Variants in ME1 observed in about 807,000 individuals in gnomAD.
ME1 encodes the protein malic enzyme 1.
ME1 carries 74 observed loss-of-function variants against 66.4 expected under a neutral mutation model. That is an observed-to-expected ratio of 1.11 (90% CI 0.92 to 1.35). ME1 has a LOEUF of 1.35. Ranked by LOEUF, ME1 falls within the 40% of genes most tolerant of loss-of-function variation. The pLI, the probability that ME1 is intolerant of heterozygous loss-of-function variation, is 0.00. For missense variants in ME1, 750 were observed against 694.1 expected (o/e 1.08, Z -0.90); for synonymous variants, 251 against 235.6 (o/e 1.07, Z -0.60).
chr6:83,302,846 G>C (rs10943929), intron 6 of ME1, among the ~76,000 whole-genome samples: 10,805 of 152,240 alleles, frequency 0.071, 472 homozygotes, highest in Admixed American at 0.098. Context: ...GGAAGGTGAA[G>C]TGCATGGGCC....
At chr6:83,247,448 A>G (rs975054641) in intron 7 of ME1, among the ~76,000 whole-genome samples, 4 of 152,126 alleles carry the variant, frequency 2.6e-5, no homozygotes, top group African/African-American at 9.6e-5. Flanking sequence ...GTTATTTTAG[A>G]TAACTAACAG....
intron 3 of ME1, among the ~76,000 whole-genome samples, chr6:83,366,777 C>T (rs1769108520): frequency 6.6e-6 from 1 of 152,178 alleles, no homozygotes; most frequent in Admixed American, 6.5e-5. Flanking sequence ...AAGACTTCCA[C>T]CGAAGTCTTG....
chr6:83,389,737 T>C (rs916157698), intron 3 of ME1, among the ~76,000 whole-genome samples: 7 of 151,802 alleles, frequency 4.6e-5, no homozygotes, highest in Non-Finnish European at 8.8e-5. Context: ...TTTCACAAAA[T>C]ACAGGTAACT....
At chr6:83,300,261 A>T (rs563318426) in intron 6 of ME1, among the ~76,000 whole-genome samples, 7 of 152,300 alleles carry the variant, frequency 4.6e-5, no homozygotes, top group African/African-American at 1.4e-4. Flanking sequence ...ACTTAAATAT[A>T]AAACCCAAAA....
chr6:83,260,733 A>T (rs1354361415), intron 6 of ME1, among the ~76,000 whole-genome samples: 1 of 152,188 alleles, frequency 6.6e-6, no homozygotes, highest in Admixed American at 6.5e-5. Flanking sequence ...TTTGCTAGGG[A>T]TAATGGCCTC....
chr6:83,309,247 GA>G (rs1273901506), intron 6 of ME1, among the ~76,000 whole-genome samples: 13 of 151,412 alleles, frequency 8.6e-5, no homozygotes, highest in African/African-American at 3.1e-4. Flanking sequence ...AGGAAGCAGT[GA>G]AACAGAATTT....
chr6:83,341,172 A>G (rs1008577758), intron 5 of ME1, among the ~76,000 whole-genome samples: 3 of 152,266 alleles, frequency 2.0e-5, no homozygotes, highest in East Asian at 1.9e-4. Flanking sequence ...TGGAGCCCCA[A>G]TAAAACTCTG....
At position 83,385,732 on chromosome 6, in the gene ME1, G is replaced by A. The variant is rs951188012; in HGVS notation, c.362+12635C>T. Among the ~76,000 whole-genome samples, 8 of 151,768 alleles carry A rather than the reference G, an allele frequency of 5.3e-5. No homozygotes were observed. In the East Asian group the frequency reaches 1.5e-3, roughly 29 times the overall value. On this transcript the variant is annotated intron_variant, in intron 3 of 13. Transcript: ENST00000369705. ...CATTAAGGCAATGCTTAGGAAAGAAGACAGTTTGGTATTTTAAACTACTTC... is the reference window on the plus strand; with the variant it reads ...CATTAAGGCAATGCTTAGGAAAGAAAACAGTTTGGTATTTTAAACTACTTC...
At chr6:83,385,445 C>A (rs1480624644) in intron 3 of ME1, among the ~76,000 whole-genome samples, 2 of 151,804 alleles carry the variant, frequency 1.3e-5, no homozygotes, top group Admixed American at 6.6e-5. Flanking sequence ...CCTGAACGTA[C>A]CACACAGATT....
chr6:83,350,714 G>A (rs1256705093), intron 4 of ME1, among the ~76,000 whole-genome samples: 1 of 151,952 alleles, frequency 6.6e-6, no homozygotes, highest in Non-Finnish European at 1.5e-5. Context: ...AAACTCCTGA[G>A]CTCAAGCAAT....
At chr6:83,363,106 T>C (rs1022976355) in intron 3 of ME1, among the ~76,000 whole-genome samples, 1 of 152,130 alleles carries the variant, frequency 6.6e-6, no homozygotes, top group Admixed American at 6.5e-5. Context: ...GATTAACCAG[T>C]CCAGGAATCA....
chr6:83,252,379 G>C (rs538043129), intron 7 of ME1, among the ~76,000 whole-genome samples: 1 of 151,842 alleles, frequency 6.6e-6, no homozygotes. Context: ...CTGCAACTTC[G>C]ACCTCCTGGG....
chr6:83,356,397 G>A (rs979093274), intron 3 of ME1, among the ~76,000 whole-genome samples: 1 of 152,004 alleles, frequency 6.6e-6, no homozygotes, highest in Non-Finnish European at 1.5e-5. Context: ...AGAAAAAGAA[G>A]TACTAAAAAA....
At chr6:83,373,057 T>G (rs2128547440) in intron 3 of ME1, among the ~76,000 whole-genome samples, 1 of 152,242 alleles carries the variant, frequency 6.6e-6, no homozygotes, top group South Asian at 2.1e-4. Context: ...TTATTTTCAT[T>G]CAAATAAAAG....
Position 83,216,537 on chromosome 6 carries a change from C to T in ME1, c.1509G>A (p.Leu503=). 6.2e-7 allele frequency: 1 copy of T among 1,611,788 alleles called. No individual in the cohort carries two copies. Among genetic ancestry groups the T allele is most frequent in the Non-Finnish European group, 8.5e-7 (1 of 1,179,414 alleles). ...TCAGAGAAACATCTCTAATGGTATT[C>T]AAAGGAGGATAAAGCCGACCCTCTT... The part of the protein sequence containing the change: ...HLEEGRLYPP[L]NTIRDVSLKI... The change falls in exon 13 of 14, where the codon TTG becomes TTA. Residue 503 remains leucine, a synonymous_variant. Coordinates refer to ENST00000369705, the MANE Select transcript of ME1 (RefSeq NM_002395.6).
rs1056231423 is a variant in ME1 at position 83,409,562 on chromosome 6, T to C, written c.79-1661A>G. On this transcript the variant is annotated intron_variant, in intron 1 of 13. Transcript: ENST00000369705. ...ATCCTCTCTTTCTTCTAATTTTTCATATAGATATACCCATTAATTCATGTC... is the reference window on the plus strand; with the variant it reads ...ATCCTCTCTTTCTTCTAATTTTTCACATAGATATACCCATTAATTCATGTC... Among the ~76,000 whole-genome samples the C allele has an allele frequency of 5.9e-5, 9 of 152,322 alleles. 1 individual carries two copies. Among genetic ancestry groups the C allele is most frequent in the Admixed American group, 5.2e-4 (8 of 15,302 alleles).
intron 5 of ME1, among the ~76,000 whole-genome samples, chr6:83,321,060 C>A (rs1374210633): frequency 1.3e-5 from 2 of 152,150 alleles, no homozygotes; most frequent in African/African-American, 4.8e-5. Flanking sequence ...GGTTAGGGAA[C>A]TCCCTCCCCT....
intron 5 of ME1, among the ~76,000 whole-genome samples, chr6:83,320,703 C>T (rs750384): frequency 0.32 from 48,823 of 152,090 alleles, 8,216 homozygotes; most frequent in Middle Eastern, 0.49. Context: ...GAAAAAAATG[C>T]TACGTTTCCC....
intron 6 of ME1, among the ~76,000 whole-genome samples, chr6:83,260,760 T>G (rs1020426612): frequency 6.6e-6 from 1 of 152,214 alleles, no homozygotes; most frequent in African/African-American, 2.4e-5. Flanking sequence ...TCCAGCTCCA[T>G]CCATGTTCCT....
Sources: gnomAD v4.1 joint callset for allele counts (sites outside exome capture counted in the v4.1 genomes callset) on GRCh38, gnomAD v4.1.1 for gene constraint, MANE v1.5 for transcripts, NCBI Gene and HGNC (gene_info 2026-07-23, HGNC 2026-07-21) for gene names.